Variants in CDC42EP4 observed in about 807,000 individuals in gnomAD.
The protein encoded by CDC42EP4 is CDC42 effector protein 4.
In CDC42EP4, 6 loss-of-function variants were observed where a neutral mutation model predicts 5.6. That is an observed-to-expected ratio of 1.07 (90% CI 0.59 to 2.12). CDC42EP4 has a LOEUF of 2.12. CDC42EP4 is among the 30% of genes most tolerant of loss of function. The pLI is 0.00. For synonymous variants in CDC42EP4, 230 were observed against 224.2 expected (o/e 1.03, Z -0.23); for missense variants, 490 against 508.6 (o/e 0.96, Z 0.35).
chr17:73,287,981 G>A (rs2062142595), intron 1 of CDC42EP4, among the ~76,000 whole-genome samples: 1 of 152,042 alleles, frequency 6.6e-6, no homozygotes, highest in South Asian at 2.1e-4. Flanking sequence ...CCAATGACTA[G>A]TCCCCACCTC....
intron 1 of CDC42EP4, among the ~76,000 whole-genome samples, chr17:73,297,539 AGTGGTTACAACTCTACACAAATAT>A (rs2062195192): frequency 2.0e-5 from 3 of 152,234 alleles, no homozygotes; most frequent in African/African-American, 7.2e-5. Flanking sequence ...GTTTATGTAT[AGTGGTTACAACTCTACACAAATAT>A]GCATCTGTGA....
At chr17:73,307,447 C>CTTTTTT (rs398031541) in intron 1 of CDC42EP4, 2 of 132,778 alleles carry the variant, frequency 1.5e-5, no homozygotes, top group African/African-American at 2.8e-5. Flanking sequence ...TTCTTTCTTT[C>CTTTTTT]TTTTTTTTTT....
At position 73,301,838 on chromosome 17, in the gene CDC42EP4, C is replaced by T. The variant is rs1036075450; in HGVS notation, c.-113+10055G>A. Among the ~76,000 whole-genome samples the T allele has an allele frequency of 4.6e-5, 7 of 152,032 alleles. No homozygotes were observed. The South Asian group carries it at 6.2e-4, about 14-fold the overall frequency. ...TCTTGTGGCTCAGCGTCCAGGCGTG[C>T]GCCACCATGCCCAGCTAATTTTTGC... On this transcript the variant is annotated intron_variant, in intron 1 of 1. Coordinates refer to ENST00000335793, the MANE Select transcript of CDC42EP4 (RefSeq NM_012121.5).
chr17:73,302,109 C>T (rs1599439823), intron 1 of CDC42EP4, among the ~76,000 whole-genome samples: 1 of 152,230 alleles, frequency 6.6e-6, no homozygotes, highest in East Asian at 1.9e-4. Context: ...GCTAGGATTA[C>T]AGGTGTGAGC....
chr17:73,294,118 A>T (rs907814753), intron 1 of CDC42EP4, among the ~76,000 whole-genome samples: 7 of 152,160 alleles, frequency 4.6e-5, no homozygotes, highest in African/African-American at 1.7e-4. Context: ...TGGGAGGCTG[A>T]GGCGGGTGGA....
At chr17:73,293,250 C>G (rs1162006802) in intron 1 of CDC42EP4, among the ~76,000 whole-genome samples, 1 of 152,116 alleles carries the variant, frequency 6.6e-6, no homozygotes, top group Non-Finnish European at 1.5e-5. Context: ...TCCCGGAGGT[C>G]CTGGCATTGG....
At position 73,285,417 on chromosome 17, in the gene CDC42EP4, C is replaced by T. The variant is rs777192035; in HGVS notation, c.*13G>A. On this transcript the variant is annotated 3_prime_UTR_variant, in exon 2 of 2. Transcript: ENST00000335793. This position sits in a 1 kb window ranked among gnomAD's most constrained non-coding sequence, Gnocchi z 6.8. ...TGCAGCCAAGAGCTCCCGGTGGCCACCCACTGTCCGCCTCACACACGGATT... is the reference window on the plus strand; with the variant it reads ...TGCAGCCAAGAGCTCCCGGTGGCCATCCACTGTCCGCCTCACACACGGATT... 6.5e-6 allele frequency: 10 copies of T among 1,536,058 alleles called. No homozygotes were observed. The highest frequency in any genetic ancestry group is 8.8e-6 in the Non-Finnish European group (10 of 1,135,698).
intron 1 of CDC42EP4, among the ~76,000 whole-genome samples, chr17:73,304,792 C>A (rs1274941191): frequency 2.0e-5 from 3 of 152,156 alleles, no homozygotes; most frequent in Non-Finnish European, 4.4e-5. Flanking sequence ...AGGTTAACAT[C>A]TCCTGAGTCT....
rs1214435374 is a variant in CDC42EP4 at position 73,284,393 on chromosome 17, G to C, written c.*1037C>G. 1 of 152,050 alleles carries C rather than the reference G, an allele frequency of 6.6e-6. No homozygotes were observed. The highest frequency in any genetic ancestry group is 6.6e-5 in the Admixed American group (1 of 15,254). The allele number at this position is 152,050 out of a possible 1,614,324, so 9.4% of individuals were successfully genotyped here. A position where few individuals can be genotyped will look rare whatever the true frequency, so the allele number is the denominator to read the frequency against. On this transcript the variant is annotated 3_prime_UTR_variant, in exon 2 of 2. Transcript: ENST00000335793. ...CGTTCTCCAAAAATATTCTGCACTG[G>C]CCTTCCTCAGTTGTTAATAGCTATG... is the stretch of plus-strand genomic sequence containing the variant.
At chr17:73,291,659 C>T (rs899662432) in intron 1 of CDC42EP4, among the ~76,000 whole-genome samples, 2 of 152,072 alleles carry the variant, frequency 1.3e-5, no homozygotes, top group African/African-American at 4.8e-5. Flanking sequence ...CAACGTGGGG[C>T]AGGCACTCCC....
chr17:73,300,353 G>A (rs1394915445), intron 1 of CDC42EP4, among the ~76,000 whole-genome samples: 1 of 152,146 alleles, frequency 6.6e-6, no homozygotes, highest in Non-Finnish European at 1.5e-5. Context: ...ACCGGGTGTG[G>A]GTCAGGGAGG....
In CDC42EP4 at chr17:73,283,683, C is replaced by CA. The variant is rs1465336937; in HGVS notation, c.*1746dup. 3 of 152,082 alleles carry CA rather than the reference C, an allele frequency of 2.0e-5. No individual in the cohort carries two copies. Among genetic ancestry groups the CA allele is most frequent in the African/African-American group, 7.2e-5 (3 of 41,458 alleles). The allele number at this position is 152,082 out of a possible 1,614,324, so 9.4% of individuals were successfully genotyped here. A position where few individuals can be genotyped will look rare whatever the true frequency, so the allele number is the denominator to read the frequency against. On this transcript the variant is annotated 3_prime_UTR_variant, in exon 2 of 2. Transcript: ENST00000335793. ...GTTTTGACAATATCATGAAAAAAAT[C>CA]AGTTTAGAATCTGGAATTGGCCTGG...
intron 1 of CDC42EP4, among the ~76,000 whole-genome samples, chr17:73,288,408 A>ATTTT (rs749501604): frequency 7.3e-6 from 1 of 137,584 alleles, no homozygotes; most frequent in African/African-American, 2.7e-5. Flanking sequence ...ACGTCCAGCT[A>ATTTT]TTTTTTTTTT....
At chr17:73,310,039 T>TA (rs1274688394) in intron 1 of CDC42EP4, 21 of 152,344 alleles carry the variant, frequency 1.4e-4, no homozygotes, top group African/African-American at 4.8e-4. Context: ...TCAGCAGAGA[T>TA]AGAGCCTCAG....
chr17:73,299,295 T>C (rs1190520432), intron 1 of CDC42EP4, among the ~76,000 whole-genome samples: 1 of 151,090 alleles, frequency 6.6e-6, no homozygotes, highest in Non-Finnish European at 1.5e-5. Flanking sequence ...CCAGGCGTGG[T>C]GGTGGGCGCC....
At chr17:73,306,771 T>C (rs2062245938) in intron 1 of CDC42EP4, 1 of 152,128 alleles carries the variant, frequency 6.6e-6, no homozygotes, top group Non-Finnish European at 1.5e-5. Flanking sequence ...TTGCACTGAG[T>C]GAAGACCCGA....
rs757083623 is a variant in CDC42EP4 at position 73,286,085 on chromosome 17, AG to A, written c.415del (p.Leu139CysfsTer6). 2 of 1,613,936 alleles carry A rather than the reference AG, an allele frequency of 1.2e-6. No homozygotes were observed. Among genetic ancestry groups the A allele is most frequent in the Admixed American group, 3.3e-5 (2 of 60,022 alleles). On this transcript the variant is annotated frameshift_variant, in exon 2 of 2. Coordinates refer to ENST00000335793, the MANE Select transcript of CDC42EP4 (RefSeq NM_012121.5). LOFTEE classifies it low-confidence loss of function (END_TRUNC). The surrounding 1 kb of genome is among the most constrained non-coding windows in gnomAD (Gnocchi z 7.7). ...EKGTSKLPKSLSSSPVKKAND... is the reference protein window; with the variant it reads ...EKGTSKLPKSXSSSPVKKAND... ...GGCCTTCTTCACGGGGCTGGATGAC[AG>A]GCTCTTGGGCAGCTTACTGGTGCCC... is the stretch of plus-strand genomic sequence containing the variant.
intron 1 of CDC42EP4, among the ~76,000 whole-genome samples, chr17:73,296,112 G>A (rs564716608): frequency 2.0e-5 from 3 of 151,116 alleles, no homozygotes; most frequent in South Asian, 2.1e-4. Context: ...CAGGCTAGTC[G>A]CAGTGGCTCA....
At chr17:73,288,833 G>A (rs2062146545) in intron 1 of CDC42EP4, among the ~76,000 whole-genome samples, 1 of 152,034 alleles carries the variant, frequency 6.6e-6, no homozygotes, top group African/African-American at 2.4e-5. Flanking sequence ...CAGTGCCCAC[G>A]CCATACCGCT....
Sources: gnomAD v4.1 joint callset for allele counts (sites outside exome capture counted in the v4.1 genomes callset) on GRCh38, gnomAD v4.1.1 for gene constraint, Gnocchi (gnomAD v3.1) non-coding constraint, MANE v1.5 for transcripts, NCBI Gene and HGNC (gene_info 2026-07-23, HGNC 2026-07-21) for gene names.